The following RTL10 variants were observed in gnomAD, a reference collection of about 807,000 sequenced individuals.
RTL10 encodes retrotransposon Gag like 10, also known as protein Bop.
For synonymous variants in RTL10, 199 were observed against 188.4 expected (o/e 1.06, Z -0.46); for missense variants, 477 against 470.7 (o/e 1.01, Z -0.12).
At position 19,848,797 on chromosome 22, in the gene RTL10, C is replaced by A; in HGVS notation, c.*2370G>T. The A allele has an allele frequency of 2.0e-6, 2 of 985,474 alleles. No individual in the cohort carries two copies. The allele number at this position is 985,474 out of a possible 1,614,324, so 61.0% of individuals were successfully genotyped here. The stretch of plus-strand genomic sequence containing the variant: ...CCCAAAGCCCCAATAGGACAGGGTT[C>A]AAAAGAGAAGGCAGCAATCCCAGGC... On this transcript the variant is annotated 3_prime_UTR_variant, in exon 3 of 3. Transcript: ENST00000328554.
chr22:19,851,023 G>A lies in RTL10; in HGVS notation c.*144C>T, dbSNP rs533317960. ...GGGAGCTGGTTCTGCTCAGCGCAGA[G>A]TCCAAAACAAGCGCATCTTGCCCAG... is the stretch of plus-strand genomic sequence containing the variant. On this transcript the variant is annotated 3_prime_UTR_variant, in exon 3 of 3. Coordinates refer to ENST00000328554, the MANE Select transcript of RTL10 (RefSeq NM_024627.6). 4.6e-5 allele frequency: 67 copies of A among 1,441,284 alleles called. No individual in the cohort carries two copies. Among genetic ancestry groups the A allele is most frequent in the Non-Finnish European group, 5.7e-5 (63 of 1,100,434 alleles). The allele number at this position is 1,441,284 out of a possible 1,614,324, so 89.3% of individuals were successfully genotyped here.
At position 19,850,354 on chromosome 22, in the gene RTL10, C is replaced by T; in HGVS notation, c.*813G>A. On this transcript the variant is annotated 3_prime_UTR_variant, in exon 3 of 3. Coordinates refer to ENST00000328554, the MANE Select transcript of RTL10 (RefSeq NM_024627.6). ...CCAGGAGGGAGATCCAAGTCATTTA[C>T]ACACTAGGGCTTAAGTGCTGAATCC... 2.0e-6 allele frequency: 2 copies of T among 986,126 alleles called. No individual in the cohort carries two copies. The highest frequency in any genetic ancestry group is 1.1e-4 in the East Asian group (1 of 8,832). The allele number at this position is 986,126 out of a possible 1,614,324, so 61.1% of individuals were successfully genotyped here.
Position 19,851,722 on chromosome 22 carries a change from T to C in RTL10, c.540A>G (p.Gln180=), listed in dbSNP as rs764446149. The stretch of plus-strand genomic sequence containing the variant: ...GGTACTCAGCAAAACTGTTCGGGTC[T>C]TGAACAACTTCCTTGAGATCCTGGC... The part of the protein sequence containing the change: ...LFCQDLKEVV[Q]DPNSFAEYHA... Residue 180 remains glutamine, a synonymous_variant, in exon 3 of 3, where the codon CAA becomes CAG. Coordinates refer to ENST00000328554, the MANE Select transcript of RTL10 (RefSeq NM_024627.6). 3 of 1,605,130 alleles carry C rather than the reference T, an allele frequency of 1.9e-6. No homozygotes were observed. The highest frequency in any genetic ancestry group is 2.6e-6 in the Non-Finnish European group (3 of 1,173,546).
chr22:19,853,587 G>T (rs1938161781), intron 2 of RTL10, among the ~76,000 whole-genome samples: 1 of 152,162 alleles, frequency 6.6e-6, no homozygotes, highest in Non-Finnish European at 1.5e-5. Flanking sequence ...CCTATCTGCT[G>T]GCCATCCCCC....
chr22:19,846,378 G>A lies in RTL10; in HGVS notation c.*4789C>T. On this transcript the variant is annotated 3_prime_UTR_variant, in exon 3 of 3. Transcript: ENST00000328554. The stretch of plus-strand genomic sequence containing the variant: ...GGAAAGATTTCTTAAGTGAGAAACA[G>A]CATCCCATACAGCACAACTGGGCAC... The A allele has an allele frequency of 1.0e-6, 1 of 973,980 alleles. No homozygotes were observed. Among genetic ancestry groups the A allele is most frequent in the Non-Finnish European group, 1.2e-6 (1 of 819,416 alleles). The allele number at this position is 973,980 out of a possible 1,614,324, so 60.3% of individuals were successfully genotyped here.
Position 19,847,617 on chromosome 22 carries a change from G to T in RTL10, c.*3550C>A. 4.1e-6 allele frequency: 4 copies of T among 969,942 alleles called. No individual in the cohort carries two copies. The highest frequency in any genetic ancestry group is 4.9e-6 in the Non-Finnish European group (4 of 822,256). 60.1% of individuals were successfully genotyped at this position (969,942 alleles called of 1,614,324 possible). A position where few individuals can be genotyped will look rare whatever the true frequency, so the allele number is the denominator to read the frequency against. ...CTCTAAACCCCCATGTAGTGGTACCGAACCATGACCACCCCTGGCAAGAGC... is the reference window on the plus strand; with the variant it reads ...CTCTAAACCCCCATGTAGTGGTACCTAACCATGACCACCCCTGGCAAGAGC... On this transcript the variant is annotated 3_prime_UTR_variant, in exon 3 of 3. Transcript: ENST00000328554.
rs745883853 is a variant in RTL10, at chr22:19,851,132, C to T, written c.*35G>A. 50 of 1,547,064 alleles carry T rather than the reference C, an allele frequency of 3.2e-5. No homozygotes were observed. Among genetic ancestry groups the T allele is most frequent in the South Asian group, 3.7e-5 (3 of 80,902 alleles). On this transcript the variant is annotated 3_prime_UTR_variant, in exon 3 of 3. Transcript: ENST00000328554. ...GCTCAAGCCACACAGGCCACTTCAT[C>T]ATGAGGGGCAGCATTGTTCCCACCT...
rs867180886 is a variant in RTL10, at chr22:19,847,412, A to G, written c.*3755T>C. 3 of 985,292 alleles carry G rather than the reference A, an allele frequency of 3.0e-6. No individual in the cohort carries two copies. In the Middle Eastern group the frequency reaches 1.6e-3, roughly 515 times the overall value. 61.0% of individuals were successfully genotyped at this position (985,292 alleles called of 1,614,324 possible). A position where few individuals can be genotyped will look rare whatever the true frequency, so the allele number is the denominator to read the frequency against. ...GTTCTGCTGTTCAAAAAACAGTGAC[A>G]CCCATGAGGTGGGTGTTAGAGGGCC... On this transcript the variant is annotated 3_prime_UTR_variant, in exon 3 of 3. Transcript: ENST00000328554.
Position 19,847,452 on chromosome 22 carries a change from G to A in RTL10, c.*3715C>T. 3 of 985,438 alleles carry A rather than the reference G, an allele frequency of 3.0e-6. No homozygotes were observed. The highest frequency in any genetic ancestry group is 1.0e-3 in the Middle Eastern group (2 of 1,916). 61.0% of individuals were successfully genotyped at this position (985,438 alleles called of 1,614,324 possible). On this transcript the variant is annotated 3_prime_UTR_variant, in exon 3 of 3. Coordinates refer to ENST00000328554, the MANE Select transcript of RTL10 (RefSeq NM_024627.6). Reference sequence around the variant, plus strand: ...GTTAGAGGGCCCAGACCCCAGCCAAGGCACTGCATGGGCATCATTCTCATT... The same window carrying A: ...GTTAGAGGGCCCAGACCCCAGCCAAAGCACTGCATGGGCATCATTCTCATT...
Position 19,850,517 on chromosome 22 carries a change from AG to A in RTL10, c.*649del. ...CGAATGCCTGCAGCTGAGCCTGGCA[AG>A]GGGCTTGCATCCCACCTTCCTGCAT... On this transcript the variant is annotated 3_prime_UTR_variant, in exon 3 of 3. Coordinates refer to ENST00000328554, the MANE Select transcript of RTL10 (RefSeq NM_024627.6). 9.4e-7 allele frequency: 1 copy of A among 1,061,054 alleles called. No individual in the cohort carries two copies. 65.7% of individuals were successfully genotyped at this position (1,061,054 alleles called of 1,614,324 possible).
chr22:19,848,895 A>G lies in RTL10; in HGVS notation c.*2272T>C, dbSNP rs1426156849. On this transcript the variant is annotated 3_prime_UTR_variant, in exon 3 of 3. Transcript: ENST00000328554. Reference sequence around the variant, plus strand: ...TGTCCAGAAGCCTGTGGGACAGGGTAAAGGTCAGCTGGGTGACTAGGCTGT... The same window carrying G: ...TGTCCAGAAGCCTGTGGGACAGGGTGAAGGTCAGCTGGGTGACTAGGCTGT... The G allele has an allele frequency of 7.1e-6, 7 of 985,308 alleles. No homozygotes were observed. The highest frequency in any genetic ancestry group is 3.6e-6 in the Non-Finnish European group (3 of 829,906). 61.0% of individuals were successfully genotyped at this position (985,308 alleles called of 1,614,324 possible).
At position 19,851,464 on chromosome 22, in the gene RTL10, C is replaced by G; in HGVS notation, c.798G>C (p.Gly266=). The G allele has an allele frequency of 6.2e-7, 1 of 1,614,080 alleles. No homozygotes were observed. The highest frequency in any genetic ancestry group is 8.5e-7 in the Non-Finnish European group (1 of 1,180,004). Residue 266 remains glycine (G), a synonymous_variant, in exon 3 of 3, where the codon GGG becomes GGC. Transcript: ENST00000328554. ...TGGGCAGGACTGGGGGCTCCTTGGG[C>G]CCAGGGGTGCTCTCCTTGGTCAGCT... ...EQQLTKESTP[G]PKEPPVLPSS...
chr22:19,851,872 C>A lies in RTL10; in HGVS notation c.390G>T (p.Glu130Asp). 6.2e-7 allele frequency: 1 copy of A among 1,613,964 alleles called. No homozygotes were observed. ...QLGDYMSFHF[E>D]HYQDNISRVC... Reference sequence around the variant, plus strand: ...CACGGCTGATGTTGTCCTGATAGTGCTCAAAGTGGAAGGACATGTAATCGC... The same window carrying A: ...CACGGCTGATGTTGTCCTGATAGTGATCAAAGTGGAAGGACATGTAATCGC... Residue 130 changes from glutamate (E) to aspartate (D), a missense_variant, in exon 3 of 3, where the codon GAG (glutamate) becomes GAT (aspartate). Transcript: ENST00000328554.
Position 19,846,570 on chromosome 22 carries a change from C to A in RTL10, c.*4597G>T. ...AAACCAGAGAAGCCTATCGCGGGCA[C>A]CGCTGTGGGCAGAACTATGTCCCTT... is the stretch of plus-strand genomic sequence containing the variant. On this transcript the variant is annotated 3_prime_UTR_variant, in exon 3 of 3. Coordinates refer to ENST00000328554, the MANE Select transcript of RTL10 (RefSeq NM_024627.6). 3.0e-6 allele frequency: 3 copies of A among 985,316 alleles called. No individual in the cohort carries two copies. The highest frequency in any genetic ancestry group is 3.6e-6 in the Non-Finnish European group (3 of 829,788). 61.0% of individuals were successfully genotyped at this position (985,316 alleles called of 1,614,324 possible). A position where few individuals can be genotyped will look rare whatever the true frequency, so the allele number is the denominator to read the frequency against.
chr22:19,852,128 G>A lies in RTL10; in HGVS notation c.134C>T (p.Pro45Leu). The change falls in exon 3 of 3, where the codon CCC becomes CTC. Residue 45 changes from proline to leucine, a missense_variant. By Grantham distance (98) the Pro-to-Leu change is moderately conservative. Transcript: ENST00000328554. ...CCCACAGCAGGGCCGCTCAATCCAG[G>A]GATCCACAAGGGGGGTGTATGCCAC... Reference protein sequence around the residue: ...PGVAYTPLVDPWIERPCCGDT... With the variant: ...PGVAYTPLVDLWIERPCCGDT... The A allele has an allele frequency of 1.2e-6, 2 of 1,614,178 alleles. No individual in the cohort carries two copies. The highest frequency in any genetic ancestry group is 1.1e-5 in the South Asian group (1 of 91,092).
chr22:19,848,271 C>T lies in RTL10; in HGVS notation c.*2896G>A. ...CTGACACCATGATTAGAAAGCAGAG[C>T]CAGCACCATGGCCCGTCCCTGAGCA... On this transcript the variant is annotated 3_prime_UTR_variant, in exon 3 of 3. Transcript: ENST00000328554. 15 of 985,434 alleles carry T rather than the reference C, an allele frequency of 1.5e-5. No individual in the cohort carries two copies. Among genetic ancestry groups the T allele is most frequent in the Non-Finnish European group, 1.7e-5 (14 of 829,936 alleles). 61.0% of individuals were successfully genotyped at this position (985,434 alleles called of 1,614,324 possible). A position where few individuals can be genotyped will look rare whatever the true frequency, so the allele number is the denominator to read the frequency against.
chr22:19,846,865 T>TAA lies in RTL10; in HGVS notation c.*4301_*4302insTT. 1 of 926,950 alleles carries TAA rather than the reference T, an allele frequency of 1.1e-6. No homozygotes were observed. The highest frequency in any genetic ancestry group is 1.3e-6 in the Non-Finnish European group (1 of 776,500). The allele number at this position is 926,950 out of a possible 1,614,324, so 57.4% of individuals were successfully genotyped here. On this transcript the variant is annotated 3_prime_UTR_variant, in exon 3 of 3. Transcript: ENST00000328554. ...TCCAGAATCATGAGGAAATGTCTGT[T>TAA]GTTTAAGTCCCCTAGCCTGCGGTCC... is the stretch of plus-strand genomic sequence containing the variant.
In RTL10 at chr22:19,847,656, G is replaced by T. The variant is rs150981910; in HGVS notation, c.*3511C>A. ...CCTGGCAAGAGCCTTCATGCACCTA[G>T]CAAGTAGTCACAGCATGCATGTGCC... On this transcript the variant is annotated 3_prime_UTR_variant, in exon 3 of 3. Transcript: ENST00000328554. 0.031 allele frequency: 30,152 copies of T among 984,840 alleles called. 514 individuals carry two copies. Among genetic ancestry groups the T allele is most frequent in the Non-Finnish European group, 0.034 (28,447 of 829,536 alleles). 61.0% of individuals were successfully genotyped at this position (984,840 alleles called of 1,614,324 possible). A position where few individuals can be genotyped will look rare whatever the true frequency, so the allele number is the denominator to read the frequency against.
chr22:19,847,938 G>A lies in RTL10; in HGVS notation c.*3229C>T, dbSNP rs1938004932. The A allele has an allele frequency of 1.0e-6, 1 of 985,036 alleles. No homozygotes were observed. Among genetic ancestry groups the A allele is most frequent in the Admixed American group, 6.2e-5 (1 of 16,258 alleles). 61.0% of individuals were successfully genotyped at this position (985,036 alleles called of 1,614,324 possible). A position where few individuals can be genotyped will look rare whatever the true frequency, so the allele number is the denominator to read the frequency against. On this transcript the variant is annotated 3_prime_UTR_variant, in exon 3 of 3. Transcript: ENST00000328554. ...ATACATGGCTTTACTATTTTCCAGA[G>A]GGCCAACTGCTTTTACTGAATAATC...
Sources: gnomAD v4.1 joint callset for allele counts (sites outside exome capture counted in the v4.1 genomes callset) on GRCh38, gnomAD v4.1.1 for gene constraint, MANE v1.5 for transcripts, NCBI Gene and HGNC (gene_info 2026-07-23, HGNC 2026-07-21) for gene names.